Variants in ITPKB observed in about 807,000 individuals in gnomAD.
The protein encoded by ITPKB is inositol-trisphosphate 3-kinase B.
A neutral mutation model predicts 69.4 loss-of-function variants in ITPKB; 13 were observed. The observed-to-expected ratio is 0.19, with a 90% confidence interval of 0.12 to 0.30. The LOEUF (loss-of-function observed/expected upper bound fraction) is 0.30. Ranked by LOEUF, ITPKB falls within the 10% of genes least tolerant of loss-of-function variation. ITPKB has a pLI of 1.00. For synonymous variants in ITPKB, 584 were observed against 513.7 expected (o/e 1.14, Z -1.85); for missense variants, 1,240 against 1,250.5 (o/e 0.99, Z 0.13).
At chr1:226,733,169 TGTGTGAGGGCAA>T in intron 2 of ITPKB, among the ~76,000 whole-genome samples, 1 of 152,180 alleles carries the variant, frequency 6.6e-6, no homozygotes, top group South Asian at 2.1e-4. Flanking sequence ...TGTGAGGGCA[TGTGTGAGGGCAA>T]GTGTAAGCAA....
chr1:226,700,005 G>A (rs987516646), intron 2 of ITPKB, among the ~76,000 whole-genome samples: 1 of 152,148 alleles, frequency 6.6e-6, no homozygotes, highest in Non-Finnish European at 1.5e-5. Flanking sequence ...TAGGCTGGGA[G>A]GCTTGGCCAG....
At chr1:226,649,152 G>A (rs1669120163) in intron 2 of ITPKB, among the ~76,000 whole-genome samples, 1 of 152,232 alleles carries the variant, frequency 6.6e-6, no homozygotes, top group Admixed American at 6.5e-5. Flanking sequence ...AAATTCCTCA[G>A]AACAGAACCT....
At chr1:226,681,866 A>AG (rs1480595202) in intron 2 of ITPKB, among the ~76,000 whole-genome samples, 24 of 152,216 alleles carry the variant, frequency 1.6e-4, no homozygotes, top group African/African-American at 5.5e-4. Context: ...TCTGTCACTC[A>AG]GGAGTCCAAG....
rs1362461640 is a variant in ITPKB, at chr1:226,647,343, C to T, written c.2070G>A (p.Lys690=). 1 of 1,614,022 alleles carries T rather than the reference C, an allele frequency of 6.2e-7. No homozygotes were observed. Among genetic ancestry groups the T allele is most frequent in the East Asian group, 2.2e-5 (1 of 44,892 alleles). ...FKAAANGRIL[K]KHCESEQRCL... Reference sequence around the variant, plus strand: ...AGCGCTGCTCTGACTCACAGTGCTTCTTCAGGATCCTGCCATTGGCAGCTG... The same window carrying T: ...AGCGCTGCTCTGACTCACAGTGCTTTTTCAGGATCCTGCCATTGGCAGCTG... The change falls in exon 4 of 8, where the codon AAG becomes AAA. Residue 690 remains lysine, a synonymous_variant. Coordinates refer to ENST00000429204, the MANE Select transcript of ITPKB (RefSeq NM_002221.4).
In ITPKB at chr1:226,661,736, A is replaced by G. The variant is rs889851825; in HGVS notation, c.1933-12965T>C. Among the ~76,000 whole-genome samples the G allele has an allele frequency of 1.2e-4, 18 of 152,312 alleles. 4 individuals are homozygous for G. The highest frequency in any genetic ancestry group is 4.6e-4 in the Admixed American group (7 of 15,298). ...ACAAGAGCACTCAACAGAGGCAGAT[A>G]CATTTTGCATACCTCTCACGTATAC... is the stretch of plus-strand genomic sequence containing the variant. On this transcript the variant is annotated intron_variant, in intron 2 of 7. Transcript: ENST00000429204.
intron 2 of ITPKB, among the ~76,000 whole-genome samples, chr1:226,699,187 T>C (rs566109050): frequency 6.6e-6 from 1 of 152,312 alleles, no homozygotes; most frequent in Admixed American, 6.5e-5. Flanking sequence ...ATCTGTTCTG[T>C]AGGAAGGCTG....
intron 2 of ITPKB, among the ~76,000 whole-genome samples, chr1:226,718,007 CA>C (rs1364669248): frequency 6.6e-6 from 1 of 152,208 alleles, no homozygotes; most frequent in Non-Finnish European, 1.5e-5. Context: ...TAGAGAAAAG[CA>C]AGTTGGCCGG....
chr1:226,634,701 G>A lies in ITPKB; in HGVS notation c.2811C>T (p.Thr937=), dbSNP rs762288588. 5.5e-6 allele frequency: 5 copies of A among 909,176 alleles called. No individual in the cohort carries two copies. Among genetic ancestry groups the A allele is most frequent in the Admixed American group, 5.1e-5 (3 of 59,166 alleles). 56.3% of individuals were successfully genotyped at this position (909,176 alleles called of 1,614,324 possible). Residue 937 remains threonine, a synonymous_variant, in exon 8 of 8, where the codon ACC becomes ACT. Transcript: ENST00000429204. The surrounding 1 kb of genome is among the most constrained non-coding windows in gnomAD (Gnocchi z 6.3). ...CGAGTGGGGCATCCTGGGACATCTC[G>A]GTCAGGATGTCGACGAGGTTATTGA... ...SGLNNLVDIL[T]EMSQDAPLA is the part of the protein sequence containing the mutation.
chr1:226,737,698 G>C, intron 1 of ITPKB, 35 bp from the exon 2 acceptor site: 1 of 745,706 alleles, frequency 1.3e-6, no homozygotes, highest in Non-Finnish European at 1.7e-6. Context: ...CAGGACCCTG[G>C]AGGGCGCGCG....
chr1:226,736,691 C>T lies in ITPKB; in HGVS notation c.768G>A (p.Arg256=). 1 of 1,613,048 alleles carries T rather than the reference C, an allele frequency of 6.2e-7. No homozygotes were observed. The highest frequency in any genetic ancestry group is 8.5e-7 in the Non-Finnish European group (1 of 1,179,874). The change falls in exon 2 of 8, where the codon AGG becomes AGA. Residue 256 remains arginine, a synonymous_variant. Transcript: ENST00000429204. ...SEAQGPSAFV[R]MEKGIPASPR... is the part of the protein sequence containing the mutation. ...GACTGGCAGGGATACCCTTCTCCAT[C>T]CTTACAAAAGCGGATGGACCCTGAG...
In ITPKB at chr1:226,632,467, GAGAC is replaced by G. The variant is rs1001177392; in HGVS notation, c.*2200_*2203del. ...GGAAGCGAGTGGCAAAATGGCTTGA[GAGAC>G]AGAGTAGGTGTAGAAGAGAACTAGC... On this transcript the variant is annotated 3_prime_UTR_variant, in exon 8 of 8. Coordinates refer to ENST00000429204, the MANE Select transcript of ITPKB (RefSeq NM_002221.4). 9 of 151,836 alleles carry G rather than the reference GAGAC, an allele frequency of 5.9e-5. No homozygotes were observed. Among genetic ancestry groups the G allele is most frequent in the Non-Finnish European group, 1.3e-4 (9 of 67,980 alleles). 9.4% of individuals were successfully genotyped at this position (151,836 alleles called of 1,614,324 possible).
At chr1:226,661,381 G>A (rs1375197446) in intron 2 of ITPKB, among the ~76,000 whole-genome samples, 1 of 152,222 alleles carries the variant, frequency 6.6e-6, no homozygotes, top group Non-Finnish European at 1.5e-5. Context: ...TGCTGTCACT[G>A]TCCCACTTCA....
chr1:226,653,415 T>C (rs1026525413), intron 2 of ITPKB, among the ~76,000 whole-genome samples: 1 of 152,100 alleles, frequency 6.6e-6, no homozygotes, highest in African/African-American at 2.4e-5. Context: ...ACAGCCAGGG[T>C]GCCAGCCCAG....
Position 226,637,613 on chromosome 1 carries a change from G to T in ITPKB, c.2625+66C>A. Reference sequence around the variant, plus strand: ...TGCCCGATGCCCCGGGCTTCTGGAAGGAGAAGGAGAAGGCCTGTTGGCACG... The same window carrying T: ...TGCCCGATGCCCCGGGCTTCTGGAATGAGAAGGAGAAGGCCTGTTGGCACG... On this transcript the variant is annotated intron_variant, in intron 7 of 7. Coordinates refer to ENST00000429204, the MANE Select transcript of ITPKB (RefSeq NM_002221.4). This position sits in a 1 kb window ranked among gnomAD's most constrained non-coding sequence, Gnocchi z 4.3. 3 of 1,292,040 alleles carry T rather than the reference G, an allele frequency of 2.3e-6. No individual in the cohort carries two copies. The highest frequency in any genetic ancestry group is 3.4e-6 in the Non-Finnish European group (3 of 893,292). 80.0% of individuals were successfully genotyped at this position (1,292,040 alleles called of 1,614,324 possible).
intron 2 of ITPKB, among the ~76,000 whole-genome samples, chr1:226,684,252 C>G (rs537111202): frequency 6.6e-6 from 1 of 152,272 alleles, no homozygotes; most frequent in Admixed American, 6.5e-5. Context: ...GAATCACCCC[C>G]AAGAAACTCA....
intron 2 of ITPKB, among the ~76,000 whole-genome samples, chr1:226,664,989 C>T (rs962818995): frequency 6.6e-6 from 1 of 152,202 alleles, no homozygotes; most frequent in Non-Finnish European, 1.5e-5. Flanking sequence ...GAGGAAAGGC[C>T]GTGGGTGAGT....
chr1:226,700,462 C>T lies in ITPKB; in HGVS notation c.1932+35065G>A, dbSNP rs1018114564. On this transcript the variant is annotated intron_variant, in intron 2 of 7. Coordinates refer to ENST00000429204, the MANE Select transcript of ITPKB (RefSeq NM_002221.4). ...CCAGCCTGGCAACGGAGCAAGACTCCGTCAAAAAAAAAAAAAAAAAAAAAA... is the reference window on the plus strand; with the variant it reads ...CCAGCCTGGCAACGGAGCAAGACTCTGTCAAAAAAAAAAAAAAAAAAAAAA... Among the ~76,000 whole-genome samples, 9 of 82,100 alleles carry T rather than the reference C, an allele frequency of 1.1e-4. No individual in the cohort carries two copies. The South Asian group carries it at 1.5e-3, about 14-fold the overall frequency. 53.9% of individuals were successfully genotyped at this position (82,100 alleles called of 152,430 possible).
At position 226,637,538 on chromosome 1, in the gene ITPKB, G is replaced by A; in HGVS notation, c.2625+141C>T. The A allele has an allele frequency of 1.5e-6, 1 of 673,524 alleles. No homozygotes were observed. Among genetic ancestry groups the A allele is most frequent in the Non-Finnish European group, 2.7e-6 (1 of 374,352 alleles). 41.7% of individuals were successfully genotyped at this position (673,524 alleles called of 1,614,324 possible). A position where few individuals can be genotyped will look rare whatever the true frequency, so the allele number is the denominator to read the frequency against. ...CATTGAGACGCAGCTCCCCCGTGCA[G>A]CGAGGGTCTGGTCCCTGATGGCCTG... On this transcript the variant is annotated intron_variant, in intron 7 of 7. Coordinates refer to ENST00000429204, the MANE Select transcript of ITPKB (RefSeq NM_002221.4). This position sits in a 1 kb window ranked among gnomAD's most constrained non-coding sequence, Gnocchi z 4.3.
At position 226,647,255 on chromosome 1, in the gene ITPKB, C is replaced by T; in HGVS notation, c.2158G>A (p.Val720Met). 1 of 1,614,232 alleles carries T rather than the reference C, an allele frequency of 6.2e-7. No homozygotes were observed. The highest frequency in any genetic ancestry group is 8.5e-7 in the Non-Finnish European group (1 of 1,180,032). ...TGGTTGTAGCGCTCCCCGTCCTTCACCACATCCCCATGGTAGGCAGGTACG... is the reference window on the plus strand; with the variant it reads ...TGGTTGTAGCGCTCCCCGTCCTTCATCACATCCCCATGGTAGGCAGGTACG... ...PFVPAYHGDV[V>M]KDGERYNQMD... Residue 720 changes from valine (V) to methionine (M), a missense_variant, in exon 4 of 8, where the codon GTG becomes ATG. Val to Met is a conservative substitution (Grantham distance 21, BLOSUM62 1). Transcript: ENST00000429204.
Sources: gnomAD v4.1 joint callset for allele counts (sites outside exome capture counted in the v4.1 genomes callset) on GRCh38, gnomAD v4.1.1 for gene constraint, Gnocchi (gnomAD v3.1) non-coding constraint, MANE v1.5 for transcripts, NCBI Gene and HGNC (gene_info 2026-07-23, HGNC 2026-07-21) for gene names.